The following STARD13 variants were observed in gnomAD, a reference collection of about 807,000 sequenced individuals.
The protein encoded by STARD13 is stAR-related lipid transfer protein 13.
A neutral mutation model predicts 106.4 loss-of-function variants in STARD13; 62 were observed. That is an observed-to-expected ratio of 0.58 (90% CI 0.48 to 0.72). The LOEUF (loss-of-function observed/expected upper bound fraction) is 0.72. Among genes scored for constraint, STARD13 ranks in the 30% least tolerant of loss-of-function variants. STARD13 has a pLI of 0.00. For missense variants in STARD13, 1,387 were observed against 1,424.0 expected (o/e 0.97, Z 0.42); for synonymous variants, 565 against 553.0 (o/e 1.02, Z -0.31).
rs1180493111 is a variant in STARD13, at chr13:33,129,842, C to T, written c.835G>A (p.Gly279Arg). ...CTGATCACCAGGCCACCTGTCCGCC[C>T]AGACCCCTTATGCCTCCCGTGGGCT... ...KGAHGRHKGSGRTGGLVISGP... is the reference protein window; with the variant it reads ...KGAHGRHKGSRRTGGLVISGP... Residue 279 changes from glycine to arginine, a missense_variant, in exon 5 of 14, where the codon GGG (glycine) becomes AGG (arginine). Coordinates refer to ENST00000336934, the MANE Select transcript of STARD13 (RefSeq NM_178006.4). 10 of 1,612,922 alleles carry T rather than the reference C, an allele frequency of 6.2e-6. No individual in the cohort carries two copies. The highest frequency in any genetic ancestry group is 8.5e-6 in the Non-Finnish European group (10 of 1,180,050).
chr13:33,182,550 G>A (rs1885344650), intron 1 of STARD13, among the ~76,000 whole-genome samples: 1 of 152,040 alleles, frequency 6.6e-6, no homozygotes, highest in Admixed American at 6.5e-5. Context: ...ATTGTCTTGG[G>A]CCACACATAA....
chr13:33,533,182 G>C, the STARD13 span, among the ~76,000 whole-genome samples: 1 of 152,128 alleles, frequency 6.6e-6, no homozygotes, highest in Admixed American at 6.6e-5. Flanking sequence ...ATGTAAACCT[G>C]GGTCTTTTCC....
the STARD13 span, among the ~76,000 whole-genome samples, chr13:33,666,758 T>A: frequency 1.3e-5 from 2 of 151,998 alleles, no homozygotes; most frequent in Non-Finnish European, 2.9e-5. Flanking sequence ...ACCCGGCTAA[T>A]TTTTTGTATT....
chr13:33,621,409 C>T, the STARD13 span, among the ~76,000 whole-genome samples: 5,916 of 151,938 alleles, frequency 0.039, 343 homozygotes, highest in African/African-American at 0.13. Flanking sequence ...CGGGCACAGT[C>T]GCTTACGCCT....
At chr13:33,386,771 A>ACTGG in the STARD13 span, among the ~76,000 whole-genome samples, 1 of 152,032 alleles carries the variant, frequency 6.6e-6, no homozygotes, top group Non-Finnish European at 1.5e-5. Flanking sequence ...CTCTTGTGGC[A>ACTGG]CTGGAATCCT....
the STARD13 span, among the ~76,000 whole-genome samples, chr13:33,570,802 C>T: frequency 1.3e-5 from 2 of 152,296 alleles, no homozygotes; most frequent in Admixed American, 1.3e-4. Context: ...TCATGTCACA[C>T]ATATGGAGTT....
At chr13:33,153,400 G>A (rs1459172642) in intron 3 of STARD13, among the ~76,000 whole-genome samples, 1 of 152,208 alleles carries the variant, frequency 6.6e-6, no homozygotes, top group Non-Finnish European at 1.5e-5. Context: ...GGATGCCCAG[G>A]GCCTGGGAGG....
the STARD13 span, among the ~76,000 whole-genome samples, chr13:33,494,483 C>T: frequency 1.3e-5 from 2 of 152,046 alleles, no homozygotes; most frequent in African/African-American, 4.8e-5. Flanking sequence ...ACGAAATGGG[C>T]GTGAAAAGGA....
the STARD13 span, among the ~76,000 whole-genome samples, chr13:33,511,733 A>G: frequency 6.6e-6 from 1 of 152,172 alleles, no homozygotes; most frequent in African/African-American, 2.4e-5. Flanking sequence ...GAGCTTCTGA[A>G]AAGGCAAAGC....
chr13:33,314,027 G>T (rs890742883), intron 1 of STARD13, among the ~76,000 whole-genome samples: 1 of 152,062 alleles, frequency 6.6e-6, no homozygotes, highest in African/African-American at 2.4e-5. Flanking sequence ...ACATGGCTGT[G>T]GTCACATGCC....
intron 12 of STARD13, among the ~76,000 whole-genome samples, chr13:33,107,682 G>T (rs1434712999): frequency 6.6e-6 from 1 of 152,056 alleles, no homozygotes; most frequent in Admixed American, 6.6e-5. Flanking sequence ...CTAACAATGT[G>T]CACTGTTCAG....
chr13:33,505,841 T>C, the STARD13 span, among the ~76,000 whole-genome samples: 10 of 152,154 alleles, frequency 6.6e-5, no homozygotes, highest in African/African-American at 2.4e-4. Context: ...ATAGCTATAG[T>C]TGTCAAAGTG....
the STARD13 span, among the ~76,000 whole-genome samples, chr13:33,521,461 C>A: frequency 6.6e-6 from 1 of 152,090 alleles, no homozygotes; most frequent in South Asian, 2.1e-4. Context: ...GAAACAGAAT[C>A]TATTGTCTAT....
the STARD13 span, among the ~76,000 whole-genome samples, chr13:33,364,120 C>A: frequency 1.3e-5 from 2 of 151,956 alleles, no homozygotes; most frequent in Non-Finnish European, 2.9e-5. Context: ...GGTTCCCCCC[C>A]ACCCCCAAAT....
chr13:33,521,659 A>G, the STARD13 span, among the ~76,000 whole-genome samples: 1 of 152,124 alleles, frequency 6.6e-6, no homozygotes, highest in Admixed American at 6.6e-5. Context: ...ACACCTGAGG[A>G]TATATATTTC....
intron 1 of STARD13, among the ~76,000 whole-genome samples, chr13:33,301,328 G>T (rs770199435): frequency 3.9e-5 from 6 of 152,192 alleles, no homozygotes; most frequent in Admixed American, 6.5e-5. Context: ...CCAGTGCCCT[G>T]ATGGTTACTT....
the STARD13 span, among the ~76,000 whole-genome samples, chr13:33,380,837 G>A: frequency 6.6e-6 from 1 of 152,168 alleles, no homozygotes; most frequent in Non-Finnish European, 1.5e-5. Context: ...AGGGGGGTGT[G>A]TTCAAGGTGA....
chr13:33,330,549 G>A (rs941506614), intron 1 of STARD13, among the ~76,000 whole-genome samples: 1 of 152,100 alleles, frequency 6.6e-6, no homozygotes, highest in Non-Finnish European at 1.5e-5. Flanking sequence ...GCATAAAGCA[G>A]GTCATCAAGA....
At chr13:33,314,357 C>T (rs1003619372) in intron 1 of STARD13, among the ~76,000 whole-genome samples, 1 of 152,128 alleles carries the variant, frequency 6.6e-6, no homozygotes, top group Non-Finnish European at 1.5e-5. Context: ...AACAGTTACT[C>T]CTGGGCACCA....
Sources: allele counts gnomAD v4.1 joint callset (sites outside exome capture counted in the v4.1 genomes callset), GRCh38; gene constraint gnomAD v4.1.1; transcripts MANE v1.5; gene names NCBI Gene and HGNC (gene_info 2026-07-23, HGNC 2026-07-21).